Variants in CILP observed in about 807,000 individuals in gnomAD.
The protein encoded by CILP is cartilage intermediate layer protein, also known as cartilage intermediate layer protein 1.
A neutral mutation model predicts 82.5 loss-of-function variants in CILP; 75 were observed. That is an observed-to-expected ratio of 0.91 (90% CI 0.75 to 1.10). CILP has a LOEUF of 1.10. Ranked by LOEUF, CILP falls within the 50% of genes least tolerant of loss-of-function variation. The pLI is 0.00. For missense variants in CILP, 1,479 were observed against 1,530.8 expected, an observed-to-expected ratio of 0.97 and a Z score of 0.56; for synonymous variants, 530 against 580.3, an observed-to-expected ratio of 0.91 and a Z score of 1.25.
In CILP at chr15:65,204,343, A is replaced by G. The variant is rs2088493396; in HGVS notation, c.844T>C (p.Phe282Leu). 1.9e-6 allele frequency: 3 copies of G among 1,614,050 alleles called. No individual in the cohort carries two copies. The South Asian group carries it at 3.3e-5, about 18-fold the overall frequency. The change falls in exon 6 of 9, where the codon TTT (phenylalanine) becomes CTT (leucine). Residue 282 changes from phenylalanine (F) to leucine (L), a missense_variant. By Grantham distance (22) the Phe-to-Leu change is conservative. Coordinates refer to ENST00000261883, the MANE Select transcript of CILP (RefSeq NM_003613.4). ...GGCATTGTGAGTACAATGGGGGCAA[A>G]CTTGACCTTTGTGATCTTCAGGATG... ...KSILKITKVK[F>L]APIVLTMPKT...
intron 5 of CILP, among the ~76,000 whole-genome samples, chr15:65,204,929 G>C (rs549837961): frequency 6.6e-6 from 1 of 152,242 alleles, no homozygotes; most frequent in South Asian, 2.1e-4. Flanking sequence ...TGAGATAGTA[G>C]AATCCCTTAA....
In CILP at chr15:65,197,463, A is replaced by G. The variant is rs759900331; in HGVS notation, c.2823T>C (p.Tyr941=). 50 of 1,614,106 alleles carry G rather than the reference A, an allele frequency of 3.1e-5. No individual in the cohort carries two copies. Among genetic ancestry groups the G allele is most frequent in the Non-Finnish European group, 3.8e-5 (45 of 1,180,058 alleles). Residue 941 remains tyrosine (Y), a synonymous_variant, in exon 9 of 9, where the codon TAT becomes TAC. Coordinates refer to ENST00000261883, the MANE Select transcript of CILP (RefSeq NM_003613.4). ...EDDPMSWTED[Y]LAWWPKPMEF... is the part of the protein sequence containing the mutation. ...CCATCGGCTTTGGCCACCATGCCAG[A>G]TAGTCTTCAGTCCAGCTCATAGGGT...
In CILP at chr15:65,196,625, T is replaced by G; in HGVS notation, c.*106A>C. The G allele has an allele frequency of 1.9e-6, 2 of 1,028,530 alleles. No homozygotes were observed. Among genetic ancestry groups the G allele is most frequent in the Non-Finnish European group, 2.8e-6 (2 of 724,552 alleles). 63.7% of individuals were successfully genotyped at this position (1,028,530 alleles called of 1,614,324 possible). ...GGCATGAAGAAACAAACAAGCAAATTCACGAAAACAGAAGTGCTTAAATTA... is the reference window on the plus strand; with the variant it reads ...GGCATGAAGAAACAAACAAGCAAATGCACGAAAACAGAAGTGCTTAAATTA... On this transcript the variant is annotated 3_prime_UTR_variant, in exon 9 of 9. Coordinates refer to ENST00000261883, the MANE Select transcript of CILP (RefSeq NM_003613.4).
In CILP at chr15:65,196,692, C is replaced by T. The variant is rs752799386; in HGVS notation, c.*39G>A. The T allele has an allele frequency of 6.8e-7, 1 of 1,476,116 alleles. No homozygotes were observed. Among genetic ancestry groups the T allele is most frequent in the Admixed American group, 2.3e-5 (1 of 42,926 alleles). 91.4% of individuals were successfully genotyped at this position (1,476,116 alleles called of 1,614,324 possible). On this transcript the variant is annotated 3_prime_UTR_variant, in exon 9 of 9. Transcript: ENST00000261883. ...TGCATCAGTCTCACAATGGCTGTCA[C>T]ATGAAATGAGGGCAGAAGAGGGTGA...
rs191200283 is a variant in CILP at position 65,198,851 on chromosome 15, C to G, written c.1435G>C (p.Glu479Gln). ...TCCGTACACCGCTGGCAGCTGCACTCCTTGGCCACCTTGGTGGGTAGCGTG... is the reference window on the plus strand; with the variant it reads ...TCCGTACACCGCTGGCAGCTGCACTGCTTGGCCACCTTGGTGGGTAGCGTG... ...GYTLPTKVAK[E>Q]CSCQRCTETR... The change falls in exon 9 of 9, where the codon GAG (glutamate) becomes CAG (glutamine). Residue 479 changes from glutamate (E) to glutamine (Q), a missense_variant. Transcript: ENST00000261883. 1 of 1,614,118 alleles carries G rather than the reference C, an allele frequency of 6.2e-7. No homozygotes were observed. The highest frequency in any genetic ancestry group is 2.2e-5 in the East Asian group (1 of 44,876).
intron 1 of CILP, 59 bp from the exon 2 acceptor site, chr15:65,209,920 G>A: frequency 3.3e-6 from 2 of 610,920 alleles, no homozygotes; most frequent in Non-Finnish European, 5.9e-6. Context: ...TATGGCTCAA[G>A]CAGAAATATT....
At chr15:65,210,171 C>T (rs1256292680) in intron 1 of CILP, among the ~76,000 whole-genome samples, 3 of 152,002 alleles carry the variant, frequency 2.0e-5, no homozygotes. Context: ...CCAGCAGCCT[C>T]TTGGTGACTC....
chr15:65,206,656 T>G, intron 4 of CILP, 126 bp downstream of exon 4: 1 of 1,056,624 alleles, frequency 9.5e-7, no homozygotes, highest in Admixed American at 2.3e-5. Context: ...CTTGTTATTA[T>G]TACAGAGTCC....
At chr15:65,205,849 C>T (rs772299440) in intron 4 of CILP, among the ~76,000 whole-genome samples, 18 of 152,212 alleles carry the variant, frequency 1.2e-4, no homozygotes, top group Admixed American at 3.3e-4. Flanking sequence ...TCGGGGCCTG[C>T]AACATGCAAT....
rs765770685 is a variant in CILP, at chr15:65,197,374, C to A, written c.2912G>T (p.Arg971Leu). 6 of 1,614,106 alleles carry A rather than the reference C, an allele frequency of 3.7e-6. No homozygotes were observed. Among genetic ancestry groups the A allele is most frequent in the Non-Finnish European group, 5.1e-6 (6 of 1,180,040 alleles). Residue 971 changes from arginine (R) to leucine (L), a missense_variant, in exon 9 of 9, where the codon CGC (arginine) becomes CTC (leucine). Transcript: ENST00000261883. ...CTGCCGATGAGTGCCCCCCATGTTG[C>A]GGGATCGCACATTCACTTCCAGTGG... Reference protein sequence around the residue: ...VGPLEVNVRSRNMGGTHRQTV... With the variant: ...VGPLEVNVRSLNMGGTHRQTV...
Position 65,198,756 on chromosome 15 carries a change from C to A in CILP, c.1530G>T (p.Val510=). The change falls in exon 9 of 9, where the codon GTG becomes GTT. Residue 510 remains valine (V), a synonymous_variant. Transcript: ENST00000261883. ...DNGEPMRFGH[V]YMGNSRVSMT... Reference sequence around the variant, plus strand: ...TGCTTACACGGCTGTTCCCCATGTACACATGGCCAAAGCGCATGGGCTCCC... The same window carrying A: ...TGCTTACACGGCTGTTCCCCATGTAAACATGGCCAAAGCGCATGGGCTCCC... 1.2e-6 allele frequency: 2 copies of A among 1,614,224 alleles called. No individual in the cohort carries two copies. Among genetic ancestry groups the A allele is most frequent in the Non-Finnish European group, 1.7e-6 (2 of 1,180,044 alleles).
chr15:65,198,356 A>G lies in CILP; in HGVS notation c.1930T>C (p.Phe644Leu), dbSNP rs1339307070. ...AAAGTGTCTCCTTCGTCATTGATGAAGTTCAGGTCAGTCTGGGCAGCTGTG... is the reference window on the plus strand; with the variant it reads ...AAAGTGTCTCCTTCGTCATTGATGAGGTTCAGGTCAGTCTGGGCAGCTGTG... ...TATAAQTDLN[F>L]INDEGDTFPL... The change falls in exon 9 of 9, where the codon TTC (phenylalanine) becomes CTC (leucine). Residue 644 changes from phenylalanine (F) to leucine (L), a missense_variant. By Grantham distance (22) the Phe-to-Leu change is conservative. Transcript: ENST00000261883. 2 of 1,614,100 alleles carry G rather than the reference A, an allele frequency of 1.2e-6. No homozygotes were observed. Among genetic ancestry groups the G allele is most frequent in the Non-Finnish European group, 1.7e-6 (2 of 1,180,054 alleles).
chr15:65,203,510 G>T (rs778345355), intron 6 of CILP, 40 bp from the exon 7 acceptor site: 2 of 1,466,100 alleles, frequency 1.4e-6, no homozygotes, highest in Non-Finnish European at 1.9e-6. Context: ...GGGTTTTTGT[G>T]TGTGTGTGTG....
chr15:65,200,708 A>G (rs1325967348), intron 8 of CILP, among the ~76,000 whole-genome samples: 2 of 152,184 alleles, frequency 1.3e-5, no homozygotes, highest in East Asian at 1.9e-4. Context: ...CAGGGGTTCT[A>G]ACCTTGGTTG....
intron 7 of CILP, 105 bp from the exon 8 acceptor site, chr15:65,202,134 C>T: frequency 1.1e-6 from 1 of 918,914 alleles, no homozygotes; most frequent in Non-Finnish European, 1.6e-6. Context: ...TGAATGGGTT[C>T]CCACAAATGT....
At position 65,196,923 on chromosome 15, in the gene CILP, C is replaced by G; in HGVS notation, c.3363G>C (p.Glu1121Asp). 2 of 1,613,446 alleles carry G rather than the reference C, an allele frequency of 1.2e-6. No homozygotes were observed. The highest frequency in any genetic ancestry group is 2.2e-5 in the South Asian group (2 of 90,914). Residue 1121 changes from glutamate (E) to aspartate (D), a missense_variant, in exon 9 of 9, where the codon GAG becomes GAC. Coordinates refer to ENST00000261883, the MANE Select transcript of CILP (RefSeq NM_003613.4). ...VGVALTFNCV[E>D]RQVGRQSAFQ... is the part of the protein sequence containing the mutation. ...AGGCACTCTGGCGGCCTACTTGCCTCTCTACACAGTTGAAGGTGAGGGCTA... is the reference window on the plus strand; with the variant it reads ...AGGCACTCTGGCGGCCTACTTGCCTGTCTACACAGTTGAAGGTGAGGGCTA...
intron 6 of CILP, 73 bp from the exon 7 acceptor site, chr15:65,203,543 C>G: frequency 9.6e-7 from 1 of 1,043,454 alleles, no homozygotes; most frequent in Non-Finnish European, 1.5e-6. Context: ...GAGCCTAGCT[C>G]CCTCAGGGTC....
intron 4 of CILP, 152 bp downstream of exon 4, chr15:65,206,630 T>C (rs374475748): frequency 1.2e-6 from 1 of 847,654 alleles, no homozygotes; most frequent in East Asian, 2.4e-5. Flanking sequence ...TCCAAGCATA[T>C]GCATGTGTGT....
rs745512630 is a variant in CILP, at chr15:65,205,311, G to A, written c.580C>T (p.His194Tyr). Residue 194 changes from histidine (H) to tyrosine (Y), a missense_variant, in exon 5 of 9, where the codon CAC becomes TAC. Physicochemically the swap from His to Tyr is moderately conservative, Grantham distance 83. Coordinates refer to ENST00000261883, the MANE Select transcript of CILP (RefSeq NM_003613.4). ...LCSEASEEGQ[H>Y]CMGQDCTACD... Reference sequence around the variant, plus strand: ...CCTGTACAGTCCTGGCCCATGCAGTGCTGACCCTCTTCGCTGGCCTCACTG... The same window carrying A: ...CCTGTACAGTCCTGGCCCATGCAGTACTGACCCTCTTCGCTGGCCTCACTG... The A allele has an allele frequency of 6.2e-7, 1 of 1,613,940 alleles. No individual in the cohort carries two copies. Among genetic ancestry groups the A allele is most frequent in the Non-Finnish European group, 8.5e-7 (1 of 1,179,964 alleles).
Sources: gnomAD v4.1 joint callset for allele counts (sites outside exome capture counted in the v4.1 genomes callset) on GRCh38, gnomAD v4.1.1 for gene constraint, MANE v1.5 for transcripts, NCBI Gene and HGNC (gene_info 2026-07-23, HGNC 2026-07-21) for gene names.